The following CACNA1C variants were observed in gnomAD, a reference collection of about 807,000 sequenced individuals.
CACNA1C encodes the protein voltage-dependent L-type calcium channel subunit alpha-1C.
CACNA1C carries 30 observed loss-of-function variants against 229.0 expected under a neutral mutation model. The observed-to-expected ratio is 0.13, with a 90% CI of 0.10 to 0.18. The LOEUF is 0.18. CACNA1C is among the 10% of genes least tolerant of loss of function. The probability of loss-of-function intolerance (pLI) is 1.00; values close to 1 mark genes in which losing one functional copy is unlikely to be tolerated. For synonymous variants in CACNA1C, 1,114 were observed against 1,132.5 expected (o/e 0.98, Z 0.33); for missense variants, 1,658 against 2,845.0 (o/e 0.58, Z 9.49).
intron 3 of CACNA1C, among the ~76,000 whole-genome samples, chr12:2,355,219 T>C (rs1317691172): frequency 6.6e-6 from 1 of 152,170 alleles, no homozygotes; most frequent in African/African-American, 2.4e-5. Flanking sequence ...GGATTAAACT[T>C]TGGGATCTGC....
rs2094507679 is a variant in CACNA1C at position 2,647,832 on chromosome 12, A to G, written c.3913-643A>G. Among the ~76,000 whole-genome samples the G allele has an allele frequency of 6.6e-6, 1 of 152,176 alleles. No individual in the cohort carries two copies. Among genetic ancestry groups the G allele is most frequent in the African/African-American group, 2.4e-5 (1 of 41,434 alleles). On this transcript the variant is annotated intron_variant, in intron 30 of 46. Transcript: ENST00000399655. This position sits in a 1 kb window ranked among gnomAD's most constrained non-coding sequence, Gnocchi z 4.2. ...GTTAACAATGGCTAATAAAAAACAA[A>G]TTAAAACAGGCTTGGCACAGTGGCT... is the stretch of plus-strand genomic sequence containing the variant.
intron 3 of CACNA1C, among the ~76,000 whole-genome samples, chr12:2,224,449 C>T (rs984052486): frequency 5.3e-5 from 8 of 152,336 alleles, no homozygotes; most frequent in African/African-American, 1.9e-4. Flanking sequence ...GTCATGAATG[C>T]ATGACCTTCC....
chr12:2,191,327 A>G lies in CACNA1C; in HGVS notation c.477+70897A>G, dbSNP rs74490856. ...CAGCGTGGCTCTGGGCTTGGTCCTT[A>G]GGTGTCCCAGGTGTCTGTCTCCGCA... On this transcript the variant is annotated intron_variant, in intron 3 of 46. Transcript: ENST00000399655. Among the ~76,000 whole-genome samples, 1,427 of 152,216 alleles carry G rather than the reference A, an allele frequency of 9.4e-3. 17 individuals are homozygous for G. The highest frequency in any genetic ancestry group is 0.032 in the African/African-American group (1,335 of 41,502).
intron 3 of CACNA1C, among the ~76,000 whole-genome samples, chr12:2,147,165 G>A (rs912084459): frequency 6.6e-6 from 1 of 151,046 alleles, no homozygotes; most frequent in African/African-American, 2.4e-5. Context: ...ACTGAGAGAG[G>A]GGGGGAACCT....
intron 3 of CACNA1C, among the ~76,000 whole-genome samples, chr12:2,434,772 C>T (rs184028482): frequency 2.6e-4 from 40 of 152,304 alleles, no homozygotes; most frequent in Admixed American, 1.8e-3. Context: ...TGATAGTCCC[C>T]GTCAGGCCGT....
At chr12:2,456,361 C>T (rs1430214160) in intron 4 of CACNA1C, among the ~76,000 whole-genome samples, 1 of 152,230 alleles carries the variant, frequency 6.6e-6, no homozygotes, top group East Asian at 1.9e-4. Flanking sequence ...GGGGAGTCTC[C>T]CACAACAGCA....
Position 2,685,785 on chromosome 12 carries a change from G to C in CACNA1C, c.5623G>C (p.Asp1875His), listed in dbSNP as rs1569266425. 1 of 1,613,762 alleles carries C rather than the reference G, an allele frequency of 6.2e-7. No individual in the cohort carries two copies. Among genetic ancestry groups the C allele is most frequent in the Non-Finnish European group, 8.5e-7 (1 of 1,179,702 alleles). Reference protein sequence around the residue: ...ENRQLTLPEEDKRDIRQSPKR... With the variant: ...ENRQLTLPEEHKRDIRQSPKR... Reference sequence around the variant, plus strand: ...TCGGCAACTGACGCTCCCAGAGGAGGACAAGAGGGACATCCGGCAATCTCC... The same window carrying C: ...TCGGCAACTGACGCTCCCAGAGGAGCACAAGAGGGACATCCGGCAATCTCC... The change falls in exon 44 of 47, where the codon GAC becomes CAC. Residue 1875 changes from aspartate to histidine, a missense_variant. By Grantham distance (81) the Asp-to-His change is moderately conservative. This residue lies in a region of CACNA1C where 590 missense variants were observed against 700.8 expected (regional missense o/e 0.84). Coordinates refer to ENST00000399655, the MANE Select transcript of CACNA1C (RefSeq NM_000719.7).
intron 7 of CACNA1C, among the ~76,000 whole-genome samples, chr12:2,501,545 CG>C (rs1439746532): frequency 2.0e-5 from 3 of 152,226 alleles, no homozygotes; most frequent in South Asian, 4.1e-4. Context: ...AATGACCTCA[CG>C]GTTCCCATCG....
chr12:2,459,830 A>G (rs1195763763), intron 5 of CACNA1C, among the ~76,000 whole-genome samples: 1 of 152,170 alleles, frequency 6.6e-6, no homozygotes, highest in Non-Finnish European at 1.5e-5. Context: ...GGACACAATG[A>G]CCCCGACCTG....
intron 1 of CACNA1C, among the ~76,000 whole-genome samples, chr12:2,003,496 G>A (rs1301145385): frequency 6.6e-6 from 1 of 152,200 alleles, no homozygotes; most frequent in Non-Finnish European, 1.5e-5. Context: ...ATTCGAGTGG[G>A]TGGGTTACAA....
At chr12:2,112,418 G>A (rs1209516198) in intron 1 of CACNA1C, among the ~76,000 whole-genome samples, 1 of 144,768 alleles carries the variant, frequency 6.9e-6, no homozygotes, top group East Asian at 2.1e-4. Flanking sequence ...CTCATTGTAG[G>A]GAGTGTCACG....
chr12:2,564,218 T>C (rs1044541561), intron 11 of CACNA1C, among the ~76,000 whole-genome samples: 8 of 152,204 alleles, frequency 5.3e-5, no homozygotes, highest in African/African-American at 1.9e-4. Flanking sequence ...GCAGTTTCCT[T>C]ACGATATGAT....
chr12:2,217,070 G>A (rs1388887097), intron 3 of CACNA1C, among the ~76,000 whole-genome samples: 2 of 152,180 alleles, frequency 1.3e-5, no homozygotes, highest in Admixed American at 6.5e-5. Flanking sequence ...AATATCATTC[G>A]GCCTTAAAAA....
At chr12:2,333,015 A>C (rs2238064) in intron 3 of CACNA1C, among the ~76,000 whole-genome samples, 15,830 of 152,188 alleles carry the variant, frequency 0.1, 908 homozygotes, top group South Asian at 0.14. Flanking sequence ...CTGAACAGTT[A>C]TCCCTCCGGC....
intron 3 of CACNA1C, among the ~76,000 whole-genome samples, chr12:2,278,743 A>G (rs1475990796): frequency 1.3e-5 from 2 of 152,198 alleles, no homozygotes; most frequent in African/African-American, 4.8e-5. Flanking sequence ...TCTTGGGTAG[A>G]TACCTGGGAG....
intron 9 of CACNA1C, among the ~76,000 whole-genome samples, chr12:2,517,356 C>T (rs1320903558): frequency 1.3e-5 from 2 of 152,200 alleles, no homozygotes; most frequent in Admixed American, 1.3e-4. Flanking sequence ...TCTAGCATGC[C>T]CATGGCCTCA....
At chr12:2,182,042 A>G (rs1227326239) in intron 3 of CACNA1C, among the ~76,000 whole-genome samples, 1 of 150,310 alleles carries the variant, frequency 6.7e-6, no homozygotes, top group Non-Finnish European at 1.5e-5. Flanking sequence ...AAAGCATTCA[A>G]GGAGAGGTTG....
chr12:2,454,732 A>G (rs1480670241), intron 4 of CACNA1C, among the ~76,000 whole-genome samples: 6 of 151,184 alleles, frequency 4.0e-5, no homozygotes, highest in Non-Finnish European at 7.4e-5. Flanking sequence ...CTTTGTCCGC[A>G]CTCCATTCAC....
Position 2,486,555 on chromosome 12 carries a change from A to G in CACNA1C, c.916+293A>G, listed in dbSNP as rs1406533421. Among the ~76,000 whole-genome samples, 1 of 152,182 alleles carries G rather than the reference A, an allele frequency of 6.6e-6. No individual in the cohort carries two copies. The highest frequency in any genetic ancestry group is 1.9e-4 in the East Asian group (1 of 5,196). On this transcript the variant is annotated intron_variant, in intron 6 of 46. Transcript: ENST00000399655. The surrounding 1 kb of genome is among the most constrained non-coding windows in gnomAD (Gnocchi z 4.9). The stretch of plus-strand genomic sequence containing the variant: ...ATAACTTAGAACCTATCTTTTGTCA[A>G]TCTACGACTTTTCAAGCCAACCCTG...
Sources: allele counts gnomAD v4.1 joint callset (sites outside exome capture counted in the v4.1 genomes callset), GRCh38; gene constraint gnomAD v4.1.1; regional missense constraint gnomAD v4.1.1; non-coding constraint Gnocchi (gnomAD v3.1); transcripts MANE v1.5; gene names NCBI Gene and HGNC (gene_info 2026-07-23, HGNC 2026-07-21).